Variants in PCDH15 observed in about 807,000 individuals in gnomAD.
PCDH15 encodes protocadherin-15.
A neutral mutation model predicts 178.5 loss-of-function variants in PCDH15; 129 were observed. The observed-to-expected ratio is 0.72, with a 90% CI of 0.63 to 0.84. The LOEUF (loss-of-function observed/expected upper bound fraction) is 0.84. Among genes scored for constraint, PCDH15 ranks in the 40% least tolerant of loss-of-function variants. PCDH15 has a pLI of 0.00. For missense variants in PCDH15, 2,230 were observed against 2,099.9 expected (o/e 1.06, Z -1.21); for synonymous variants, 800 against 732.0 (o/e 1.09, Z -1.50).
At chr10:54,681,917 A>G (rs767151827) in intron 1 of PCDH15, among the ~76,000 whole-genome samples, 1 of 152,180 alleles carries the variant, frequency 6.6e-6, no homozygotes, top group Non-Finnish European at 1.5e-5. Context: ...AGGAAATTAG[A>G]TCCTCCAGAC....
intron 2 of PCDH15, chr10:55,513,182 G>T (rs1229933649): frequency 6.6e-6 from 1 of 152,104 alleles, no homozygotes; most frequent in Non-Finnish European, 1.5e-5. Flanking sequence ...TAGAAATATT[G>T]TAAGAAACAG....
chr10:55,014,652 C>T (rs1254705814), intron 2 of PCDH15, among the ~76,000 whole-genome samples: 1 of 152,022 alleles, frequency 6.6e-6, no homozygotes, highest in African/African-American at 2.4e-5. Flanking sequence ...ATAGTCTTGT[C>T]TTTCTAATTC....
intron 36 of PCDH15, among the ~76,000 whole-genome samples, chr10:53,811,043 G>T (rs977927857): frequency 6.6e-6 from 1 of 152,194 alleles, no homozygotes; most frequent in Non-Finnish European, 1.5e-5. Flanking sequence ...TTGGTAGCAA[G>T]AAGTTGCTTC....
chr10:55,345,153 C>CTA (rs1236983475), intron 2 of PCDH15, among the ~76,000 whole-genome samples: 11 of 151,370 alleles, frequency 7.3e-5, no homozygotes, highest in Non-Finnish European at 1.0e-4. Context: ...CTCTCTCTCT[C>CTA]TCTCTATATA....
At chr10:55,263,775 T>C (rs10740615) in intron 1 of PCDH15, among the ~76,000 whole-genome samples, 84,460 of 151,910 alleles carry the variant, frequency 0.56, 23,874 homozygotes, top group East Asian at 0.79. Flanking sequence ...CACTCTGTCG[T>C]CTGGGCTGGA....
intron 2 of PCDH15, among the ~76,000 whole-genome samples, chr10:55,014,664 T>C (rs1359641070): frequency 6.6e-6 from 1 of 152,166 alleles, no homozygotes; most frequent in Non-Finnish European, 1.5e-5. Flanking sequence ...TTCTAATTCA[T>C]TGAATAACAA....
intron 2 of PCDH15, among the ~76,000 whole-genome samples, chr10:55,546,910 C>T (rs577587949): frequency 6.6e-6 from 1 of 151,952 alleles, no homozygotes; most frequent in African/African-American, 2.4e-5. Context: ...GCAGCAGGAG[C>T]TTTCAGTCCA....
intron 29 of PCDH15, among the ~76,000 whole-genome samples, chr10:53,834,550 C>T (rs1366853501): frequency 1.3e-5 from 2 of 148,508 alleles, no homozygotes; most frequent in East Asian, 2.0e-4. Context: ...TTTTCATCTA[C>T]AGTGTACTCA....
chr10:55,544,166 ATATATATATT>A, intron 2 of PCDH15, among the ~76,000 whole-genome samples: 1 of 130,642 alleles, frequency 7.7e-6, no homozygotes, highest in Admixed American at 7.9e-5. Context: ...ATATATATAT[ATATATATATT>A]ATACTGACAG....
intron 1 of PCDH15, among the ~76,000 whole-genome samples, chr10:55,207,732 C>T (rs2132166573): frequency 6.6e-6 from 1 of 152,204 alleles, no homozygotes; most frequent in Middle Eastern, 3.4e-3. Context: ...ACTTGGGAGG[C>T]TGAGGCGGGC....
intron 1 of PCDH15, among the ~76,000 whole-genome samples, chr10:54,682,682 G>A (rs1298070648): frequency 6.6e-6 from 1 of 151,926 alleles, no homozygotes. Context: ...ATTTATGCAG[G>A]CAAGATAAGA....
rs151169197 is a variant in PCDH15 at position 54,333,195 on chromosome 10, C to A, written c.595-3489G>T. Among the ~76,000 whole-genome samples the A allele has an allele frequency of 1.1e-4, 17 of 152,176 alleles. No individual in the cohort carries two copies. The East Asian group carries it at 1.7e-3, about 16-fold the overall frequency. Reference sequence around the variant, plus strand: ...ACTCCTGACCTCAAGGGTATGCCCACCTTGCCTCCCAAAGTTCTGGGATTA... The same window carrying A: ...ACTCCTGACCTCAAGGGTATGCCCAACTTGCCTCCCAAAGTTCTGGGATTA... On this transcript the variant is annotated intron_variant, in intron 6 of 37. Transcript: ENST00000644397.
chr10:54,192,984 A>G (rs920573591), intron 11 of PCDH15, among the ~76,000 whole-genome samples: 1 of 152,198 alleles, frequency 6.6e-6, no homozygotes, highest in African/African-American at 2.4e-5. Flanking sequence ...GAAACTCACA[A>G]TGTTATACAG....
chr10:55,238,152 T>C (rs1001370753), intron 1 of PCDH15, among the ~76,000 whole-genome samples: 48 of 147,260 alleles, frequency 3.3e-4, no homozygotes, highest in Non-Finnish European at 6.2e-4. Flanking sequence ...TTTCTTTTTT[T>C]TTTTTTTTTT....
In PCDH15 at chr10:55,191,264, C is replaced by G. The variant is rs551350788; in HGVS notation, c.-155-24613G>C. Reference sequence around the variant, plus strand: ...TTCTAAGTAAAAGCACTCAGCATGACTAGGATCACTTTTTATCTACTTTTC... The same window carrying G: ...TTCTAAGTAAAAGCACTCAGCATGAGTAGGATCACTTTTTATCTACTTTTC... On this transcript the variant is annotated intron_variant, in intron 1 of 5. Transcript: ENST00000458638. 4.6e-4 allele frequency among the ~76,000 whole-genome samples: 70 copies of G among 151,738 alleles called. 1 individual carries two copies. The South Asian group carries it at 0.012, about 27-fold the overall frequency.
At chr10:54,098,072 A>G (rs958079479) in intron 15 of PCDH15, among the ~76,000 whole-genome samples, 6 of 152,134 alleles carry the variant, frequency 3.9e-5, no homozygotes, top group Non-Finnish European at 7.4e-5. Flanking sequence ...GAAGCAACTG[A>G]ATTTACAGTA....
intron 2 of PCDH15, among the ~76,000 whole-genome samples, chr10:54,532,394 T>C (rs1247026539): frequency 6.6e-6 from 1 of 152,080 alleles, no homozygotes; most frequent in Non-Finnish European, 1.5e-5. Context: ...CAAAGCAAAA[T>C]AGTTTTTGAT....
intron 2 of PCDH15, among the ~76,000 whole-genome samples, chr10:55,043,049 C>T (rs558108528): frequency 7.9e-5 from 12 of 152,086 alleles, no homozygotes; most frequent in Admixed American, 6.6e-4. Context: ...TTGTTCATTA[C>T]CTCTTTGCTG....
chr10:55,248,524 G>A (rs1051235397), intron 1 of PCDH15, among the ~76,000 whole-genome samples: 5 of 152,158 alleles, frequency 3.3e-5, no homozygotes, highest in South Asian at 2.1e-4. Flanking sequence ...AAATGGATAC[G>A]CGGATAAGCA....
Sources: allele counts gnomAD v4.1 joint callset (sites outside exome capture counted in the v4.1 genomes callset), GRCh38; gene constraint gnomAD v4.1.1; transcripts MANE v1.5; gene names NCBI Gene and HGNC (gene_info 2026-07-23, HGNC 2026-07-21).